Variants in EIF4E3 observed in about 807,000 individuals in gnomAD.
The protein encoded by EIF4E3 is eukaryotic translation initiation factor 4E type 3.
In EIF4E3, 26 loss-of-function variants were observed where a neutral mutation model predicts 31.7. That is an observed-to-expected ratio of 0.82 (90% confidence interval 0.60 to 1.14). The LOEUF (loss-of-function observed/expected upper bound fraction) is 1.14. Among genes scored for constraint, EIF4E3 ranks in the 50% most tolerant of loss-of-function variants. EIF4E3 has a pLI of 0.00. For missense variants in EIF4E3, 304 were observed against 270.9 expected, an observed-to-expected ratio of 1.12 and a Z score of -0.86; for synonymous variants, 128 against 107.7, an observed-to-expected ratio of 1.19 and a Z score of -1.17.
chr3:71,735,941 A>C (rs1259579836), intron 1 of EIF4E3, among the ~76,000 whole-genome samples: 1 of 152,208 alleles, frequency 6.6e-6, no homozygotes, highest in East Asian at 1.9e-4. Flanking sequence ...TCTACAAAGA[A>C]ATTTTTTAAT....
At chr3:71,711,011 G>A (rs1439760675) in intron 1 of EIF4E3, among the ~76,000 whole-genome samples, 2 of 152,202 alleles carry the variant, frequency 1.3e-5, no homozygotes, top group Non-Finnish European at 2.9e-5. Context: ...CAAAACACTT[G>A]CTTTTAGAAA....
chr3:71,747,017 T>A (rs1413842305), intron 1 of EIF4E3, among the ~76,000 whole-genome samples: 1 of 152,254 alleles, frequency 6.6e-6, no homozygotes, highest in Non-Finnish European at 1.5e-5. Context: ...ACATTTTATT[T>A]ATCCATCCAT....
chr3:71,659,981 T>G, the EIF4E3 span, among the ~76,000 whole-genome samples: 1 of 152,222 alleles, frequency 6.6e-6, no homozygotes, highest in South Asian at 2.1e-4. Flanking sequence ...GCATGGGTGT[T>G]GCCTGGGAGC....
intron 2 of EIF4E3, among the ~76,000 whole-genome samples, chr3:71,707,724 T>TA (rs2049314418): frequency 6.6e-6 from 1 of 152,142 alleles, no homozygotes; most frequent in South Asian, 2.1e-4. Flanking sequence ...GCTTTGTACG[T>TA]AAAAAGAATG....
At chr3:71,729,091 A>G (rs1413908779), upstream of EIF4E3, 2 of 152,276 alleles carry the variant, frequency 1.3e-5, no homozygotes, top group African/African-American at 4.8e-5. Flanking sequence ...CTCATATGCA[A>G]TTAGCAGGAG....
the EIF4E3 span, among the ~76,000 whole-genome samples, chr3:71,663,207 C>T: frequency 1.3e-5 from 2 of 152,250 alleles, no homozygotes; most frequent in South Asian, 2.1e-4. Context: ...TGGGTCTCCT[C>T]GCCTGTTGTG....
intron 1 of EIF4E3, among the ~76,000 whole-genome samples, chr3:71,714,459 TTTCTGAATATTCAGG>T (rs1488984863): frequency 6.6e-6 from 1 of 152,170 alleles, no homozygotes; most frequent in Non-Finnish European, 1.5e-5. Flanking sequence ...GATGGGCACC[TTTCTGAATATTCAGG>T]CTTCAAAGTA....
At chr3:71,732,232 T>C (rs1207970133) in intron 1 of EIF4E3, among the ~76,000 whole-genome samples, 1 of 152,226 alleles carries the variant, frequency 6.6e-6, no homozygotes, top group African/African-American at 2.4e-5. Flanking sequence ...TTCTCTCCTC[T>C]GACCATCTAA....
chr3:71,708,790 C>T (rs763671842), intron 2 of EIF4E3, among the ~76,000 whole-genome samples: 1 of 152,184 alleles, frequency 6.6e-6, no homozygotes, highest in Non-Finnish European at 1.5e-5. Flanking sequence ...GTCCCTAAAT[C>T]CACAGAAGAG....
At chr3:71,670,796 G>A (rs2048843824), downstream of EIF4E3, among the ~76,000 whole-genome samples, 1 of 152,130 alleles carries the variant, frequency 6.6e-6, no homozygotes, top group East Asian at 1.9e-4. Flanking sequence ...GAGCCTTCGC[G>A]TGCATTGTCT....
intron 1 of EIF4E3, among the ~76,000 whole-genome samples, chr3:71,740,471 T>C (rs111472977): frequency 0.011 from 1,712 of 152,336 alleles, 35 homozygotes; most frequent in African/African-American, 0.037. Flanking sequence ...TGGTGGCTCC[T>C]GCCTGCAATC....
At chr3:71,753,649 C>G, upstream of EIF4E3, 1 of 147,330 alleles carries the variant, frequency 6.8e-6, no homozygotes, top group South Asian at 1.8e-4. Flanking sequence ...GGGGGCTCCG[C>G]GGCGGCGGCG....
intron 5 of EIF4E3, among the ~76,000 whole-genome samples, chr3:71,691,508 C>T (rs6797923): frequency 0.1 from 15,424 of 152,032 alleles, 1,120 homozygotes; most frequent in African/African-American, 0.2. Context: ...TACTCAAAAC[C>T]AGGGAAAATT....
Position 71,684,417 on chromosome 3 carries a change from A to T in EIF4E3, c.*265T>A. The T allele has an allele frequency of 3.0e-6, 1 of 330,440 alleles. No homozygotes were observed. The highest frequency in any genetic ancestry group is 5.1e-5 in the East Asian group (1 of 19,568). The allele number at this position is 330,440 out of a possible 1,614,324, so 20.5% of individuals were successfully genotyped here. Reference sequence around the variant, plus strand: ...GCAAAAAAAAAAAAAAATCAGAGTGAAAAGAACAGAGAATTTAGAAAGCCA... The same window carrying T: ...GCAAAAAAAAAAAAAAATCAGAGTGTAAAGAACAGAGAATTTAGAAAGCCA... On this transcript the variant is annotated 3_prime_UTR_variant, in exon 7 of 7. Transcript: ENST00000425534.
At chr3:71,702,160 C>G (rs2049226602) in intron 2 of EIF4E3, among the ~76,000 whole-genome samples, 1 of 152,138 alleles carries the variant, frequency 6.6e-6, no homozygotes, top group Non-Finnish European at 1.5e-5. Context: ...CATGAAGCCA[C>G]AGAAAGAGGG....
intron 5 of EIF4E3, among the ~76,000 whole-genome samples, chr3:71,692,228 T>C (rs2049073026): frequency 1.3e-5 from 2 of 152,202 alleles, no homozygotes; most frequent in African/African-American, 4.8e-5. Flanking sequence ...ACATTAGAGC[T>C]GGGAGGAGCC....
At chr3:71,685,409 G>C (rs1171262622) in intron 6 of EIF4E3, among the ~76,000 whole-genome samples, 1 of 152,148 alleles carries the variant, frequency 6.6e-6, no homozygotes, top group East Asian at 1.9e-4. Context: ...GCCCAGGCTG[G>C]AGTGCAGTGG....
intron 1 of EIF4E3, among the ~76,000 whole-genome samples, chr3:71,749,237 A>T (rs2049902813): frequency 6.6e-6 from 1 of 152,226 alleles, no homozygotes; most frequent in Non-Finnish European, 1.5e-5. Context: ...TGGGCTCTTT[A>T]CAGTTAGGTA....
rs1446344107 is a variant in EIF4E3, at chr3:71,676,178, T to C, written c.*8504A>G. The stretch of plus-strand genomic sequence containing the variant: ...ATAGTGTGTCATTTTGCACTCATCA[T>C]TTAAAAGACTTACAAATAAGTTTTC... On this transcript the variant is annotated 3_prime_UTR_variant, in exon 7 of 7. Coordinates refer to ENST00000425534, the MANE Select transcript of EIF4E3 (RefSeq NM_001134651.2). 1 of 152,242 alleles carries C rather than the reference T, an allele frequency of 6.6e-6. No homozygotes were observed. The highest frequency in any genetic ancestry group is 1.5e-5 in the Non-Finnish European group (1 of 68,040). 9.4% of individuals were successfully genotyped at this position (152,242 alleles called of 1,614,324 possible).
Sources: gnomAD v4.1 joint callset for allele counts (sites outside exome capture counted in the v4.1 genomes callset) on GRCh38, gnomAD v4.1.1 for gene constraint, MANE v1.5 for transcripts, NCBI Gene and HGNC (gene_info 2026-07-23, HGNC 2026-07-21) for gene names.